Variants in NREP observed in about 807,000 individuals in gnomAD.
The protein encoded by NREP is neuronal regeneration-related protein.
NREP carries 5 observed loss-of-function variants against 8.6 expected under a neutral mutation model. The ratio of observed to expected loss-of-function variants is 0.58; its 90% confidence interval spans 0.30 to 1.22. The LOEUF is 1.22. Ranked by LOEUF, NREP falls within the 50% of genes most tolerant of loss-of-function variation. The probability of loss-of-function intolerance (pLI) is 0.07; values close to 1 mark genes in which losing one functional copy is unlikely to be tolerated. For synonymous variants in NREP, 27 were observed against 28.0 expected (o/e 0.96, Z 0.11); for missense variants, 86 against 82.5 (o/e 1.04, Z -0.17).
In NREP at chr5:111,838,487, T is replaced by C. The variant is rs1482729986; in HGVS notation, c.136-102980A>G. Among the ~76,000 whole-genome samples the C allele has an allele frequency of 1.2e-4, 18 of 152,226 alleles. No individual in the cohort carries two copies. In the South Asian group the frequency reaches 1.9e-3, roughly 16 times the overall value. On this transcript the variant is annotated intron_variant, in intron 2 of 3. Transcript: ENST00000395634. ...ATATGGTTAACATTTACAAACACTT[T>C]AAGAAAAGGAAATTATCCTTGATAA... is the stretch of plus-strand genomic sequence containing the variant.
chr5:111,797,777 G>C (rs1466841274), intron 2 of NREP, among the ~76,000 whole-genome samples: 3 of 152,148 alleles, frequency 2.0e-5, no homozygotes, highest in African/African-American at 4.8e-5. Context: ...GATGAGGATG[G>C]GATTTTCAGT....
chr5:111,855,841 G>A (rs1217528104), intron 2 of NREP, among the ~76,000 whole-genome samples: 2 of 152,060 alleles, frequency 1.3e-5, no homozygotes, highest in Non-Finnish European at 2.9e-5. Flanking sequence ...GGCGAAATCA[G>A]GTGAAAATGC....
chr5:111,844,663 T>C (rs1192532500), intron 2 of NREP, among the ~76,000 whole-genome samples: 1 of 144,602 alleles, frequency 6.9e-6, no homozygotes, highest in South Asian at 2.2e-4. Context: ...ATATATTATA[T>C]ATATTATATA....
At chr5:111,877,939 C>A (rs763888862) in intron 2 of NREP, among the ~76,000 whole-genome samples, 1 of 152,190 alleles carries the variant, frequency 6.6e-6, no homozygotes, top group African/African-American at 2.4e-5. Context: ...AAGAGAGGGA[C>A]AACTGAGAGG....
intron 2 of NREP, among the ~76,000 whole-genome samples, chr5:111,789,191 G>A (rs59746819): frequency 0.014 from 2,107 of 152,278 alleles, 57 homozygotes; most frequent in African/African-American, 0.049. Flanking sequence ...ATGCATGTGT[G>A]TGTGTGTAAT....
chr5:111,966,491 G>C (rs1174866615), intron 2 of NREP, among the ~76,000 whole-genome samples: 1 of 152,140 alleles, frequency 6.6e-6, no homozygotes, highest in Non-Finnish European at 1.5e-5. Flanking sequence ...AAGTGATATA[G>C]AGCTAATAAG....
At chr5:111,863,360 G>T (rs1581172355) in intron 2 of NREP, among the ~76,000 whole-genome samples, 1 of 152,080 alleles carries the variant, frequency 6.6e-6, no homozygotes, top group African/African-American at 2.4e-5. Flanking sequence ...TGCTAAGTGG[G>T]ATATACCCAT....
At chr5:111,750,748 C>G (rs916072450) in intron 2 of NREP, among the ~76,000 whole-genome samples, 1 of 152,166 alleles carries the variant, frequency 6.6e-6, no homozygotes, top group African/African-American at 2.4e-5. Flanking sequence ...AGTAAAGCTC[C>G]TCTTGGGTCC....
chr5:111,941,262 T>C (rs1309963327), intron 2 of NREP, among the ~76,000 whole-genome samples: 1 of 152,130 alleles, frequency 6.6e-6, no homozygotes, highest in African/African-American at 2.4e-5. Flanking sequence ...ATCTAGAGTA[T>C]AAAACCTGGG....
intron 2 of NREP, among the ~76,000 whole-genome samples, chr5:111,746,451 C>T (rs1199209087): frequency 6.6e-6 from 1 of 152,080 alleles, no homozygotes; most frequent in Non-Finnish European, 1.5e-5. Flanking sequence ...TTCTGGTCCA[C>T]AGCATCCAGG....
chr5:111,828,732 T>TA lies in NREP; in HGVS notation c.136-93226dup, dbSNP rs202221870. ...GTCCCTATCTGAATTTTTAGCATGA[T>TA]AAAAAAACTTACTGCCTCAAACAAT... is the stretch of plus-strand genomic sequence containing the variant. On this transcript the variant is annotated intron_variant, in intron 2 of 3. Transcript: ENST00000395634. Among the ~76,000 whole-genome samples the TA allele has an allele frequency of 7.0e-3, 1,072 of 152,222 alleles. 30 individuals are homozygous for TA. The highest frequency in any genetic ancestry group is 0.045 in the Admixed American group (690 of 15,274).
intron 2 of NREP, among the ~76,000 whole-genome samples, chr5:111,747,646 C>T (rs892571858): frequency 2.0e-5 from 3 of 152,234 alleles, no homozygotes; most frequent in African/African-American, 7.2e-5. Context: ...CTTGGCTACT[C>T]CCCCTTCCTT....
intron 2 of NREP, among the ~76,000 whole-genome samples, chr5:111,741,623 G>T (rs1164883741): frequency 6.6e-6 from 1 of 152,084 alleles, no homozygotes; most frequent in Non-Finnish European, 1.5e-5. Context: ...AATGCTGCTT[G>T]GAGAAGAAGC....
chr5:111,814,475 T>C (rs10463622), intron 2 of NREP, among the ~76,000 whole-genome samples: 50,874 of 151,932 alleles, frequency 0.33, 9,012 homozygotes, highest in East Asian at 0.61. Flanking sequence ...CTCCATTGCC[T>C]CCGTAACTTT....
chr5:111,832,832 T>A (rs1752806030), intron 2 of NREP, among the ~76,000 whole-genome samples: 1 of 152,292 alleles, frequency 6.6e-6, no homozygotes, highest in South Asian at 2.1e-4. Flanking sequence ...GTAGGACAAA[T>A]GCCACCCAGG....
intron 2 of NREP, among the ~76,000 whole-genome samples, chr5:111,939,413 T>C (rs1031809530): frequency 2.0e-5 from 3 of 151,952 alleles, no homozygotes; most frequent in African/African-American, 7.3e-5. Context: ...GCAATCAGCA[T>C]TTTTTCCCAG....
intron 2 of NREP, among the ~76,000 whole-genome samples, chr5:111,962,953 T>C (rs917009448): frequency 3.9e-5 from 6 of 152,242 alleles, no homozygotes; most frequent in African/African-American, 1.4e-4. Context: ...CAAGTGTCCA[T>C]GCAACTTCAT....
chr5:111,777,160 C>T (rs1358966135), intron 2 of NREP, among the ~76,000 whole-genome samples: 1 of 152,136 alleles, frequency 6.6e-6, no homozygotes, highest in East Asian at 1.9e-4. Context: ...CCACAGCTCA[C>T]AGAACCATTA....
At chr5:111,865,742 C>T (rs1339143851) in intron 2 of NREP, among the ~76,000 whole-genome samples, 3 of 152,096 alleles carry the variant, frequency 2.0e-5, no homozygotes, top group African/African-American at 4.8e-5. Flanking sequence ...ATTCTAATTG[C>T]ATGGAAACTC....
Sources: allele counts gnomAD v4.1 joint callset (sites outside exome capture counted in the v4.1 genomes callset), GRCh38; gene constraint gnomAD v4.1.1; transcripts MANE v1.5; gene names NCBI Gene and HGNC (gene_info 2026-07-23, HGNC 2026-07-21).